ROBO2: variants seen among roughly 807,000 people sequenced by gnomAD.
The protein encoded by ROBO2 is roundabout homolog 2.
ROBO2 carries 53 observed loss-of-function variants against 160.8 expected under a neutral mutation model. That is an observed-to-expected ratio of 0.33 (90% CI 0.26 to 0.41). ROBO2 has a LOEUF of 0.41. Among genes scored for constraint, ROBO2 ranks in the 10% least tolerant of loss-of-function variants. The pLI is 1.00. For synonymous variants in ROBO2, 664 were observed against 611.7 expected (o/e 1.09, Z -1.26); for missense variants, 1,577 against 1,722.4 (o/e 0.92, Z 1.49).
At chr3:76,917,745 TA>T (rs5850299) in intron 2 of ROBO2, among the ~76,000 whole-genome samples, 16 of 150,614 alleles carry the variant, frequency 1.1e-4, no homozygotes, top group Admixed American at 9.9e-4. Flanking sequence ...TCTGGTGAGC[TA>T]AAAAAAAATG....
intron 2 of ROBO2, among the ~76,000 whole-genome samples, chr3:76,280,771 T>C (rs781217619): frequency 3.4e-4 from 51 of 152,038 alleles, no homozygotes; most frequent in Non-Finnish European, 5.0e-4. Context: ...CTCTTGTATT[T>C]ACTTTGAGTT....
intron 2 of ROBO2, among the ~76,000 whole-genome samples, chr3:76,129,425 A>C (rs939766188): frequency 2.0e-5 from 3 of 152,158 alleles, no homozygotes; most frequent in African/African-American, 7.2e-5. Context: ...GGCCAATTGA[A>C]ATGCACTATA....
intron 4 of ROBO2, among the ~76,000 whole-genome samples, chr3:77,485,062 A>G (rs192517775): frequency 5.1e-4 from 77 of 152,196 alleles, no homozygotes; most frequent in African/African-American, 1.8e-3. Context: ...ACTTGGTTAG[A>G]CATTCCTTAG....
At chr3:75,914,298 A>T (rs902299032) in intron 1 of ROBO2, among the ~76,000 whole-genome samples, 1 of 152,166 alleles carries the variant, frequency 6.6e-6, no homozygotes, top group Non-Finnish European at 1.5e-5. Flanking sequence ...TAATCAGTGC[A>T]AATTGCTGAA....
intron 2 of ROBO2, among the ~76,000 whole-genome samples, chr3:77,398,986 G>A (rs1051952666): frequency 6.6e-6 from 1 of 152,068 alleles, no homozygotes; most frequent in Non-Finnish European, 1.5e-5. Flanking sequence ...ATACAGTCAA[G>A]GTCCTGTTTC....
At chr3:76,630,613 T>C (rs1029116950) in intron 2 of ROBO2, among the ~76,000 whole-genome samples, 1 of 150,200 alleles carries the variant, frequency 6.7e-6, no homozygotes, top group Non-Finnish European at 1.5e-5. Flanking sequence ...CTATGGATGA[T>C]GTTAGGTGAA....
At chr3:76,919,547 A>C (rs2148982005) in intron 2 of ROBO2, among the ~76,000 whole-genome samples, 1 of 152,240 alleles carries the variant, frequency 6.6e-6, no homozygotes, top group African/African-American at 2.4e-5. Flanking sequence ...CTTGTGAGAC[A>C]TTATACAAGG....
intron 2 of ROBO2, among the ~76,000 whole-genome samples, chr3:75,997,499 C>CTTTTTTTTTTTTTTTTTTTTTTTTTT (rs56890342): frequency 7.9e-6 from 1 of 126,524 alleles, no homozygotes; most frequent in Non-Finnish European, 1.6e-5. Flanking sequence ...TTCATCCATT[C>CTTTTTTTTTTTTTTTTTTTTTTTTTT]TTTTTTTTTT....
At chr3:76,799,501 C>T (rs548191445) in intron 2 of ROBO2, among the ~76,000 whole-genome samples, 1 of 132,542 alleles carries the variant, frequency 7.5e-6, no homozygotes, top group African/African-American at 2.5e-5. Context: ...AATATTAGAT[C>T]TGACAAAAAA....
At chr3:76,456,231 C>T (rs559737189) in intron 2 of ROBO2, among the ~76,000 whole-genome samples, 1 of 152,126 alleles carries the variant, frequency 6.6e-6, no homozygotes, top group Non-Finnish European at 1.5e-5. Flanking sequence ...AATGTTGCAA[C>T]TGCAAAGATA....
chr3:76,934,022 C>A (rs562327044), intron 2 of ROBO2, among the ~76,000 whole-genome samples: 1 of 151,808 alleles, frequency 6.6e-6, no homozygotes, highest in Non-Finnish European at 1.5e-5. Context: ...ATAAAATTTG[C>A]TTTAAGGCAT....
chr3:76,269,743 C>A (rs773652857), intron 2 of ROBO2, among the ~76,000 whole-genome samples: 1 of 151,910 alleles, frequency 6.6e-6, no homozygotes, highest in Non-Finnish European at 1.5e-5. Context: ...AATAGTAAGA[C>A]CTATTTCGTA....
At chr3:77,612,955 A>C (rs1456051486) in intron 21 of ROBO2, among the ~76,000 whole-genome samples, 2 of 152,190 alleles carry the variant, frequency 1.3e-5, no homozygotes, top group Non-Finnish European at 2.9e-5. Context: ...TCCGTCTCAA[A>C]AAAAAAGAAA....
At chr3:77,430,822 T>C (rs572846325) in intron 2 of ROBO2, among the ~76,000 whole-genome samples, 1 of 152,340 alleles carries the variant, frequency 6.6e-6, no homozygotes, top group South Asian at 2.1e-4. Context: ...AACTAAGATA[T>C]GTGTAACACC....
In ROBO2 at chr3:76,900,100, C is replaced by G. The variant is rs1050546016; in HGVS notation, c.110-197914C>G. On this transcript the variant is annotated intron_variant, in intron 2 of 26. Coordinates refer to the ROBO2 transcript ENST00000487694. ...TCACAGCTTAAGTGGATGGCAGCAG[C>G]CAAAGCTTGTGCCCTGCACAAGCTG... is the stretch of plus-strand genomic sequence containing the variant. Among the ~76,000 whole-genome samples the G allele has an allele frequency of 2.0e-5, 3 of 152,208 alleles. No homozygotes were observed. In the East Asian group the frequency reaches 5.8e-4, roughly 29 times the overall value.
intron 2 of ROBO2, among the ~76,000 whole-genome samples, chr3:76,866,803 A>C (rs2071417942): frequency 6.6e-6 from 1 of 152,188 alleles, no homozygotes; most frequent in Admixed American, 6.6e-5. Flanking sequence ...AGGTTGAATA[A>C]GAGAAGAGTA....
chr3:76,819,789 T>C (rs1447836658), intron 2 of ROBO2, among the ~76,000 whole-genome samples: 2 of 152,100 alleles, frequency 1.3e-5, no homozygotes, highest in Non-Finnish European at 2.9e-5. Flanking sequence ...CAATGTGCTT[T>C]GGGAAAACAG....
chr3:77,094,754 A>G (rs1191788711), intron 1 of ROBO2, among the ~76,000 whole-genome samples: 1 of 152,030 alleles, frequency 6.6e-6, no homozygotes, highest in Non-Finnish European at 1.5e-5. Context: ...ATTTCATTGT[A>G]GTTTCGATTT....
At chr3:77,393,168 A>G (rs1226923629) in intron 2 of ROBO2, among the ~76,000 whole-genome samples, 1 of 152,114 alleles carries the variant, frequency 6.6e-6, no homozygotes, top group African/African-American at 2.4e-5. Context: ...TTGTTTATTG[A>G]TATAATATCA....
Sources: gnomAD v4.1 joint callset for allele counts (sites outside exome capture counted in the v4.1 genomes callset) on GRCh38, gnomAD v4.1.1 for gene constraint, MANE v1.5 for transcripts, NCBI Gene and HGNC (gene_info 2026-07-23, HGNC 2026-07-21) for gene names.